ITGAE: variants seen among roughly 807,000 people sequenced by gnomAD.
The protein encoded by ITGAE is integrin alpha-E.
ITGAE carries 99 observed loss-of-function variants against 136.5 expected under a neutral mutation model. The ratio of observed to expected loss-of-function variants is 0.73; its 90% CI spans 0.62 to 0.86. The LOEUF is 0.86. Ranked by LOEUF, ITGAE falls within the 40% of genes least tolerant of loss-of-function variation. ITGAE has a pLI of 0.00. For synonymous variants in ITGAE, 613 were observed against 591.8 expected, an observed-to-expected ratio of 1.04 and a Z score of -0.52; for missense variants, 1,447 against 1,515.3, an observed-to-expected ratio of 0.95 and a Z score of 0.75.
At chr17:3,768,201 T>C (rs1225304189) in intron 2 of ITGAE, among the ~76,000 whole-genome samples, 2 of 152,120 alleles carry the variant, frequency 1.3e-5, no homozygotes, top group African/African-American at 4.8e-5. Flanking sequence ...CACGGTTCAC[T>C]GCAGCCTTGA....
At chr17:3,721,661 G>C (rs1481925323) in intron 28 of ITGAE, 2 of 152,056 alleles carry the variant, frequency 1.3e-5, no homozygotes, top group Admixed American at 6.6e-5. Flanking sequence ...CCTCACAAAT[G>C]TCACCTGGAT....
At chr17:3,756,224 CTT>C (rs398041526) in intron 10 of ITGAE, among the ~76,000 whole-genome samples, 6,339 of 94,996 alleles carry the variant, frequency 0.067, 1,767 homozygotes, top group Non-Finnish European at 0.096. Flanking sequence ...TATTGTTGGC[CTT>C]TTTTTTTTTT....
intron 30 of ITGAE, among the ~76,000 whole-genome samples, chr17:3,715,746 C>T (rs2050929991): frequency 6.6e-6 from 1 of 151,884 alleles, no homozygotes; most frequent in South Asian, 2.1e-4. Flanking sequence ...GTAACAGTCC[C>T]AGTTACTCAG....
chr17:3,725,305 C>T (rs146360364), intron 26 of ITGAE: 75 of 1,614,210 alleles, frequency 4.6e-5, no homozygotes, highest in Middle Eastern at 1.6e-4. Flanking sequence ...AACAAAAAGG[C>T]ATCTGATGCT....
Position 3,732,360 on chromosome 17 carries a change from C to A in ITGAE, c.2754+8G>T, listed in dbSNP as rs374306533. ...GTGAGAAGAGCGAATCAGTCCAAAC[C>A]GACTCACAGATGACCTCTTGAGGAC... On this transcript the variant is annotated splice_region_variant and intron_variant, in intron 22 of 30. Transcript: ENST00000263087. The A allele has an allele frequency of 6.2e-6, 10 of 1,608,812 alleles. No individual in the cohort carries two copies. Among genetic ancestry groups the A allele is most frequent in the Non-Finnish European group, 8.5e-6 (10 of 1,175,354 alleles).
intron 17 of ITGAE, 100 bp downstream of exon 17, chr17:3,747,822 C>G (rs2051753781): frequency 3.2e-6 from 1 of 316,522 alleles, no homozygotes; most frequent in African/African-American, 2.2e-5. Flanking sequence ...AGACCAACAC[C>G]CACCCACCCC....
In ITGAE at chr17:3,743,476, T is replaced by C; in HGVS notation, c.2448+13A>G. 1 of 1,580,284 alleles carries C rather than the reference T, an allele frequency of 6.3e-7. No individual in the cohort carries two copies. The highest frequency in any genetic ancestry group is 8.6e-7 in the Non-Finnish European group (1 of 1,167,216). ...TCTTAAGAGGGCTGGGTACTGGCTG[T>C]GGGTAGAGTCACCTGGAAGATGGCA... is the stretch of plus-strand genomic sequence containing the variant. On this transcript the variant is annotated intron_variant, in intron 19 of 30. Transcript: ENST00000263087.
chr17:3,720,613 G>A (rs1292267503), intron 28 of ITGAE: 5 of 376,800 alleles, frequency 1.3e-5, no homozygotes, highest in South Asian at 6.1e-5. Flanking sequence ...ATGGAGTTTC[G>A]CTCTTTCGCC....
Position 3,743,511 on chromosome 17 carries a change from G to A in ITGAE, c.2426C>T (p.Thr809Ile). The change falls in exon 19 of 31, where the codon ACT (threonine) becomes ATT (isoleucine). Residue 809 changes from threonine to isoleucine, a missense_variant. Thr to Ile is a moderately conservative substitution (Grantham distance 89, BLOSUM62 -1). Around this residue, in one of 3 missense-constraint regions of ITGAE, gnomAD observed 1,031 missense variants for 1,011.4 expected, o/e 1.02. Coordinates refer to ENST00000263087, the MANE Select transcript of ITGAE (RefSeq NM_002208.5). ...DHPQPILDRYTEPFAIFQLPY... is the reference protein window; with the variant it reads ...DHPQPILDRYIEPFAIFQLPY... ...CACCTGGAAGATGGCAAAGGGCTCA[G>A]TGTAGCGGTCCAGGATGGGCTGGGG... 6.2e-7 allele frequency: 1 copy of A among 1,608,438 alleles called. No individual in the cohort carries two copies. The highest frequency in any genetic ancestry group is 8.5e-7 in the Non-Finnish European group (1 of 1,178,284).
At chr17:3,776,962 C>CTT (rs72345629) in intron 2 of ITGAE, among the ~76,000 whole-genome samples, 10,019 of 137,964 alleles carry the variant, frequency 0.073, 631 homozygotes, top group African/African-American at 0.14. Flanking sequence ...TTAAAATTGT[C>CTT]TTTTTTTTTT....
chr17:3,797,746 C>G (rs2053157069), intron 1 of ITGAE, among the ~76,000 whole-genome samples: 1 of 152,158 alleles, frequency 6.6e-6, no homozygotes, highest in South Asian at 2.1e-4. Context: ...CAGGCGTGAG[C>G]CACCGTGCCT....
chr17:3,755,301 A>G, intron 11 of ITGAE, 40 bp from the exon 12 acceptor site: 4 of 1,501,278 alleles, frequency 2.7e-6, no homozygotes. Flanking sequence ...AGTGGGAGGG[A>G]CCCAAGGCCG....
rs139076341 is a variant in ITGAE, at chr17:3,725,187, T to C, written c.3085-1443A>G. On this transcript the variant is annotated intron_variant, in intron 26 of 30. Transcript: ENST00000263087. ...CACTTCTCTCTCTGGATCCCTCCTA[T>C]CAGAATGTTCAAACCGGCCTGTCAT... 772 of 1,614,216 alleles carry C rather than the reference T, an allele frequency of 4.8e-4. 4 individuals are homozygous for C. The African/African-American group carries it at 8.5e-3, about 18-fold the overall frequency.
chr17:3,734,315 C>T (rs1227685050), intron 21 of ITGAE, among the ~76,000 whole-genome samples: 6 of 152,172 alleles, frequency 3.9e-5, no homozygotes, highest in African/African-American at 1.2e-4. Context: ...CCTCGTGATC[C>T]GCCCGTCTCG....
Position 3,797,240 on chromosome 17 carries a change from A to G in ITGAE, c.34+3871T>C, listed in dbSNP as rs894551818. On this transcript the variant is annotated intron_variant, in intron 1 of 30. Coordinates refer to ENST00000263087, the MANE Select transcript of ITGAE (RefSeq NM_002208.5). Reference sequence around the variant, plus strand: ...GAGTGCAGTGGCGCAATCTCGGCTCACTGCAAGCTCCGCCTCCCGGGTTCA... The same window carrying G: ...GAGTGCAGTGGCGCAATCTCGGCTCGCTGCAAGCTCCGCCTCCCGGGTTCA... Among the ~76,000 whole-genome samples the G allele has an allele frequency of 1.8e-4, 26 of 140,868 alleles. No homozygotes were observed. The South Asian group carries it at 2.7e-3, about 15-fold the overall frequency. 92.4% of individuals were successfully genotyped at this position (140,868 alleles called of 152,430 possible).
rs758608457 is a variant in ITGAE at position 3,716,721 on chromosome 17, C to G, written c.3411G>C (p.Leu1137=). ...IIIKGSVGGL[L]VLIVILVILF... ...GGATGACCAGAATCACGATCAACAC[C>G]AGAAGTCCACCAACGCTGCCTTTAA... The change falls in exon 30 of 31, where the codon CTG becomes CTC. Residue 1137 remains leucine (L), a synonymous_variant. Coordinates refer to ENST00000263087, the MANE Select transcript of ITGAE (RefSeq NM_002208.5). The G allele has an allele frequency of 3.1e-6, 5 of 1,609,800 alleles. No homozygotes were observed. The highest frequency in any genetic ancestry group is 1.6e-4 in the Middle Eastern group (1 of 6,078).
rs1383504362 is a variant in ITGAE at position 3,799,887 on chromosome 17, G to A, written c.34+1224C>T. Among the ~76,000 whole-genome samples, 1 of 152,216 alleles carries A rather than the reference G, an allele frequency of 6.6e-6. No individual in the cohort carries two copies. The highest frequency in any genetic ancestry group is 1.5e-5 in the Non-Finnish European group (1 of 68,036). On this transcript the variant is annotated intron_variant, in intron 1 of 30. Coordinates refer to ENST00000263087, the MANE Select transcript of ITGAE (RefSeq NM_002208.5). This position sits in a 1 kb window ranked among gnomAD's most constrained non-coding sequence, Gnocchi z 4.1. ...TGCCTGTAGTCCCAACACTTTGGGA[G>A]GCCGAGGCAGGTCGATCACCTGAGG... is the stretch of plus-strand genomic sequence containing the variant.
rs1379823516 is a variant in ITGAE at position 3,801,136 on chromosome 17, G to C, written c.9C>G (p.Leu3=). 1.2e-6 allele frequency: 2 copies of C among 1,612,018 alleles called. No individual in the cohort carries two copies. The highest frequency in any genetic ancestry group is 8.5e-7 in the Non-Finnish European group (1 of 1,180,020). The change falls in exon 1 of 31, where the codon CTC becomes CTG. Residue 3 remains leucine (L), a synonymous_variant. Transcript: ENST00000263087. The stretch of plus-strand genomic sequence containing the variant: ...TGGCTATGCAGAGCAGAGTGTGGAA[G>C]AGCCACATCCTTGCTGGAGCAGAGG... MW[L]FHTLLCIASL... is the part of the protein sequence containing the mutation.
In ITGAE at chr17:3,795,673, C is replaced by T. The variant is rs145429686; in HGVS notation, c.34+5438G>A. Among the ~76,000 whole-genome samples, 15 of 152,342 alleles carry T rather than the reference C, an allele frequency of 9.8e-5. No individual in the cohort carries two copies. The East Asian group carries it at 1.7e-3, about 18-fold the overall frequency. ...GAAGCTGGGCACTGCTCCTGCCGTG[C>T]GGCGGCTCACTGAGCTGGAGCAGGG... On this transcript the variant is annotated intron_variant, in intron 1 of 30. Transcript: ENST00000263087.
Sources: allele counts gnomAD v4.1 joint callset (sites outside exome capture counted in the v4.1 genomes callset), GRCh38; gene constraint gnomAD v4.1.1; regional missense constraint gnomAD v4.1.1; non-coding constraint Gnocchi (gnomAD v3.1); transcripts MANE v1.5; gene names NCBI Gene and HGNC (gene_info 2026-07-23, HGNC 2026-07-21).